The following FGF10 variants were observed in gnomAD, a reference collection of about 807,000 sequenced individuals.
The protein encoded by FGF10 is FGF-10.
A neutral mutation model predicts 19.8 loss-of-function variants in FGF10; 2 were observed. The ratio of observed to expected loss-of-function variants is 0.10; its 90% CI spans 0.04 to 0.32. FGF10 has a LOEUF of 0.32. Ranked by LOEUF, FGF10 falls within the 10% of genes least tolerant of loss-of-function variation. The pLI is 1.00. For synonymous variants in FGF10, 112 were observed against 94.0 expected (o/e 1.19, Z -1.10); for missense variants, 191 against 246.3 (o/e 0.78, Z 1.50).
intron 1 of FGF10, among the ~76,000 whole-genome samples, chr5:44,378,139 A>G (rs1164342424): frequency 2.6e-5 from 4 of 152,202 alleles, no homozygotes; most frequent in Admixed American, 2.6e-4. Context: ...TCAGCTGTTA[A>G]GCAACAGCAG....
rs77677715 is a variant in FGF10 at position 44,334,130 on chromosome 5, T to C, written c.326-23600A>G. Among the ~76,000 whole-genome samples the C allele has an allele frequency of 2.0e-5, 3 of 152,212 alleles. No individual in the cohort carries two copies. The East Asian group carries it at 5.8e-4, about 29-fold the overall frequency. On this transcript the variant is annotated intron_variant, in intron 1 of 2. Transcript: ENST00000264664. The stretch of plus-strand genomic sequence containing the variant: ...ATTACTTCAAATTTACCTTCCCAGT[T>C]TTCCACTTCCAGGCAAGCATCAGTT...
chr5:44,350,372 T>C (rs1312670861), intron 1 of FGF10, among the ~76,000 whole-genome samples: 1 of 150,750 alleles, frequency 6.6e-6, no homozygotes, highest in Non-Finnish European at 1.5e-5. Context: ...ATCCATTTAA[T>C]GTGTAATTAT....
In FGF10 at chr5:44,302,385, C is replaced by T. The variant is rs1739986989; in HGVS notation, c.*2610G>A. ...TCTCTTTTCTCTCTTTCCTTTCTTT[C>T]TGGCTCTTTTTCACCCAGGCTGGAG... On this transcript the variant is annotated 3_prime_UTR_variant, in exon 3 of 3. Transcript: ENST00000264664. Among the ~76,000 whole-genome samples the T allele has an allele frequency of 6.7e-6, 1 of 148,952 alleles. No homozygotes were observed. Among genetic ancestry groups the T allele is most frequent in the South Asian group, 2.1e-4 (1 of 4,734 alleles).
intron 1 of FGF10, among the ~76,000 whole-genome samples, chr5:44,363,371 C>T (rs940667812): frequency 3.3e-5 from 5 of 151,764 alleles, no homozygotes; most frequent in African/African-American, 1.2e-4. Flanking sequence ...GGAATTTTAA[C>T]CTTCATAAGG....
chr5:44,320,791 C>T (rs1428660743), intron 1 of FGF10, among the ~76,000 whole-genome samples: 3 of 151,800 alleles, frequency 2.0e-5, no homozygotes, highest in Middle Eastern at 3.2e-3. Context: ...AGTGCAGTGG[C>T]ACAACCTCTG....
chr5:44,319,385 T>C (rs1033638435), intron 1 of FGF10, among the ~76,000 whole-genome samples: 1 of 152,170 alleles, frequency 6.6e-6, no homozygotes, highest in African/African-American at 2.4e-5. Context: ...AATTATAATA[T>C]AGAGTATCTT....
chr5:44,307,851 TAA>T (rs1216668053), intron 2 of FGF10, among the ~76,000 whole-genome samples: 1 of 152,216 alleles, frequency 6.6e-6, no homozygotes, highest in African/African-American at 2.4e-5. Context: ...AGTAGAAATG[TAA>T]AGTTACACAA....
rs979322984 is a variant in FGF10, at chr5:44,301,628, A to G, written c.*3367T>C. 1.1e-4 allele frequency among the ~76,000 whole-genome samples: 17 copies of G among 152,208 alleles called. No homozygotes were observed. The highest frequency in any genetic ancestry group is 2.4e-4 in the Non-Finnish European group (16 of 68,026). The stretch of plus-strand genomic sequence containing the variant: ...CACTGTGTAAATTAGGTGGACCTGA[A>G]TATTTAGAAAAGATTGAAAGCATTT... On this transcript the variant is annotated 3_prime_UTR_variant, in exon 3 of 3. Coordinates refer to ENST00000264664, the MANE Select transcript of FGF10 (RefSeq NM_004465.2).
intron 1 of FGF10, among the ~76,000 whole-genome samples, chr5:44,363,146 A>T (rs1741528975): frequency 6.6e-6 from 1 of 151,778 alleles, no homozygotes; most frequent in Non-Finnish European, 1.5e-5. Flanking sequence ...TAGGTATTGC[A>T]TGTCATTAAA....
rs1390527748 is a variant in FGF10 at position 44,302,078 on chromosome 5, T to A, written c.*2917A>T. ...GGCAGATCTCTCAATAGCTCCAATT[T>A]TTTTTTTTTTCAAATCTACAACATT... is the stretch of plus-strand genomic sequence containing the variant. On this transcript the variant is annotated 3_prime_UTR_variant, in exon 3 of 3. Coordinates refer to ENST00000264664, the MANE Select transcript of FGF10 (RefSeq NM_004465.2). Among the ~76,000 whole-genome samples, 3 of 151,964 alleles carry A rather than the reference T, an allele frequency of 2.0e-5. No individual in the cohort carries two copies. Among genetic ancestry groups the A allele is most frequent in the Non-Finnish European group, 4.4e-5 (3 of 67,992 alleles).
At chr5:44,335,990 AATAAG>A (rs1208797501) in intron 1 of FGF10, among the ~76,000 whole-genome samples, 1 of 152,124 alleles carries the variant, frequency 6.6e-6, no homozygotes, top group African/African-American at 2.4e-5. Context: ...AGAAAACTGA[AATAAG>A]ATAACATAAA....
intron 1 of FGF10, among the ~76,000 whole-genome samples, chr5:44,349,990 A>G (rs1360250605): frequency 6.6e-6 from 1 of 151,192 alleles, no homozygotes; most frequent in Non-Finnish European, 1.5e-5. Flanking sequence ...CAGTGTAATA[A>G]TTTATGACAA....
At chr5:44,308,806 G>A (rs146213311) in intron 2 of FGF10, among the ~76,000 whole-genome samples, 18 of 152,204 alleles carry the variant, frequency 1.2e-4, no homozygotes, top group East Asian at 1.9e-4. Flanking sequence ...CCAGACCAGC[G>A]GTTCTCAAAT....
At position 44,310,507 on chromosome 5, in the gene FGF10, C is replaced by G. The variant is rs1740187119; in HGVS notation, c.349G>C (p.Glu117Gln). The change falls in exon 2 of 3, where the codon GAA becomes CAA. Residue 117 changes from glutamate (E) to glutamine (Q), a missense_variant. Glu to Gln is a conservative substitution (Grantham distance 29). Around this residue, in one of 2 missense-constraint regions of FGF10, gnomAD observed 99 missense variants for 161.7 expected, o/e 0.61. Transcript: ENST00000264664. ...GCTTTGACGGCAACAACTCCGATTT[C>G]TACTGATGTTATCTCCAGGATGCCT... The part of the protein sequence containing the change: ...PYSILEITSV[E>Q]IGVVAVKAIN... 1.2e-6 allele frequency: 2 copies of G among 1,611,692 alleles called. No homozygotes were observed. Among genetic ancestry groups the G allele is most frequent in the African/African-American group, 2.7e-5 (2 of 74,834 alleles).
At chr5:44,314,197 T>A (rs886602791) in intron 1 of FGF10, among the ~76,000 whole-genome samples, 1 of 152,062 alleles carries the variant, frequency 6.6e-6, no homozygotes, top group African/African-American at 2.4e-5. Flanking sequence ...ATAAGAGGTT[T>A]GATTTACCAA....
intron 1 of FGF10, among the ~76,000 whole-genome samples, chr5:44,369,743 C>G (rs1183115584): frequency 1.3e-5 from 2 of 152,100 alleles, no homozygotes; most frequent in African/African-American, 4.8e-5. Flanking sequence ...AGCATTTAAA[C>G]TTAAGCATGT....
intron 1 of FGF10, among the ~76,000 whole-genome samples, chr5:44,321,282 T>A (rs1740480072): frequency 6.6e-6 from 1 of 152,140 alleles, no homozygotes; most frequent in Non-Finnish European, 1.5e-5. Flanking sequence ...CAGGGCACAA[T>A]TGTTAGAGAG....
chr5:44,360,113 G>A (rs1021762604), intron 1 of FGF10, among the ~76,000 whole-genome samples: 1 of 151,400 alleles, frequency 6.6e-6, no homozygotes, highest in African/African-American at 2.4e-5. Context: ...GGTTCTTGAC[G>A]ACAGATTATG....
chr5:44,362,093 A>T (rs1037800452), intron 1 of FGF10, among the ~76,000 whole-genome samples: 1 of 151,684 alleles, frequency 6.6e-6, no homozygotes, highest in Admixed American at 6.6e-5. Context: ...ATGATATTTC[A>T]TGAAAATCGG....
Sources: allele counts gnomAD v4.1 joint callset (sites outside exome capture counted in the v4.1 genomes callset), GRCh38; gene constraint gnomAD v4.1.1; regional missense constraint gnomAD v4.1.1; transcripts MANE v1.5; gene names NCBI Gene and HGNC (gene_info 2026-07-23, HGNC 2026-07-21).